Variants in MTMR7 observed in about 807,000 individuals in gnomAD.
MTMR7 encodes myotubularin related protein 7.
A neutral mutation model predicts 81.2 loss-of-function variants in MTMR7; 76 were observed. That is an observed-to-expected ratio of 0.94 (90% CI 0.78 to 1.13). The LOEUF is 1.13. Ranked by LOEUF, MTMR7 falls within the 50% of genes most tolerant of loss-of-function variation. The pLI is 0.00. For synonymous variants in MTMR7, 372 were observed against 289.8 expected (o/e 1.28, Z -2.88); for missense variants, 1,044 against 820.0 (o/e 1.27, Z -3.34).
intron 11 of MTMR7, 49 bp from the exon 12 acceptor site, chr8:17,304,568 C>T (rs201061683): frequency 1.9e-6 from 3 of 1,576,362 alleles, no homozygotes; most frequent in Non-Finnish European, 2.6e-6. Context: ...GGTGCTTACA[C>T]ACAGTAGATA....
rs1428620900 is a variant in MTMR7 at position 17,297,145 on chromosome 8, T to G, written c.*2717A>C. On this transcript the variant is annotated 3_prime_UTR_variant, in exon 14 of 14. Coordinates refer to ENST00000180173, the MANE Select transcript of MTMR7 (RefSeq NM_004686.5). ...ATGCATGTGAAAGTTTGTATTCTGA[T>G]TTTACAAGATGAGATAGAAATCAGA... is the stretch of plus-strand genomic sequence containing the variant. 1 of 152,198 alleles carries G rather than the reference T, an allele frequency of 6.6e-6. No individual in the cohort carries two copies. The highest frequency in any genetic ancestry group is 2.4e-5 in the African/African-American group (1 of 41,456). The allele number at this position is 152,198 out of a possible 1,614,324, so 9.4% of individuals were successfully genotyped here. A position where few individuals can be genotyped will look rare whatever the true frequency, so the allele number is the denominator to read the frequency against.
intron 5 of MTMR7, 96 bp downstream of exon 5, chr8:17,348,857 C>T (rs1051573882): frequency 7.5e-7 from 1 of 1,337,208 alleles, no homozygotes; most frequent in African/African-American, 1.4e-5. Context: ...AGAATTCAAA[C>T]ACACACACAC....
chr8:17,348,912 G>A lies in MTMR7; in HGVS notation c.597+41C>T, dbSNP rs1586230123. On this transcript the variant is annotated intron_variant, in intron 5 of 13. Coordinates refer to ENST00000180173, the MANE Select transcript of MTMR7 (RefSeq NM_004686.5). Reference sequence around the variant, plus strand: ...GAAAATGCCTGCTTATGATAAACTAGAAAAGCAAAGTGTAAAACAAAAACA... The same window carrying A: ...GAAAATGCCTGCTTATGATAAACTAAAAAAGCAAAGTGTAAAACAAAAACA... 4.3e-6 allele frequency: 7 copies of A among 1,611,776 alleles called. No homozygotes were observed. In the East Asian group the frequency reaches 1.3e-4, roughly 31 times the overall value.
intron 3 of MTMR7, among the ~76,000 whole-genome samples, chr8:17,363,731 G>A (rs1563359046): frequency 1.3e-5 from 2 of 152,044 alleles, no homozygotes; most frequent in Admixed American, 6.6e-5. Context: ...CTTACCCACA[G>A]GCAAGCCCAG....
intron 1 of MTMR7, among the ~76,000 whole-genome samples, chr8:17,388,930 C>T (rs189884825): frequency 6.6e-6 from 1 of 152,328 alleles, no homozygotes; most frequent in Admixed American, 6.5e-5. Flanking sequence ...TTCTCTTTCT[C>T]CTCTTACAGT....
intron 1 of MTMR7, among the ~76,000 whole-genome samples, chr8:17,398,590 C>T (rs918993788): frequency 2.0e-5 from 3 of 152,088 alleles, no homozygotes; most frequent in Non-Finnish European, 2.9e-5. Context: ...CTAAGAGTTA[C>T]TGGCCTTAAA....
In MTMR7 at chr8:17,331,300, A is replaced by G. The variant is rs1818987799; in HGVS notation, c.733-18T>C. ...GCATTAAGCTGCAGTGGTCAGCAAA[A>G]CAGAACAGTCATCAATTACATTGAT... On this transcript the variant is annotated intron_variant, in intron 6 of 13. Coordinates refer to ENST00000180173, the MANE Select transcript of MTMR7 (RefSeq NM_004686.5). 1 of 1,571,924 alleles carries G rather than the reference A, an allele frequency of 6.4e-7. No homozygotes were observed. Among genetic ancestry groups the G allele is most frequent in the African/African-American group, 1.4e-5 (1 of 72,852 alleles).
intron 7 of MTMR7, among the ~76,000 whole-genome samples, chr8:17,314,980 G>C (rs1817985938): frequency 6.6e-6 from 1 of 152,202 alleles, no homozygotes; most frequent in African/African-American, 2.4e-5. Flanking sequence ...TGGAAGGCCA[G>C]TGAAAAATAC....
Position 17,304,416 on chromosome 8 carries a change from G to C in MTMR7, c.1456C>G (p.Leu486Val). 6.2e-7 allele frequency: 1 copy of C among 1,614,028 alleles called. No individual in the cohort carries two copies. The highest frequency in any genetic ancestry group is 8.5e-7 in the Non-Finnish European group (1 of 1,179,928). Residue 486 changes from leucine (L) to valine (V), a missense_variant, in exon 12 of 14, where the codon CTT becomes GTT. Physicochemically the swap from Leu to Val is conservative, Grantham distance 32 (BLOSUM62 1). Coordinates refer to ENST00000180173, the MANE Select transcript of MTMR7 (RefSeq NM_004686.5). ...TTACATGGTGTTGTAGGGAGATGAA[G>C]GGTTCCCTGAGTCTGGCTGTGATCA... ...RADHSQTQGT[L>V]HLPTTPCNFM...
intron 3 of MTMR7, among the ~76,000 whole-genome samples, 175 bp from the exon 4 acceptor site, chr8:17,361,449 C>T (rs571982204): frequency 6.6e-6 from 1 of 152,280 alleles, no homozygotes; most frequent in South Asian, 2.1e-4. Context: ...CTTCCTCCCA[C>T]CAATGACAAG....
At chr8:17,357,508 G>A (rs1819929806) in intron 4 of MTMR7, among the ~76,000 whole-genome samples, 1 of 152,020 alleles carries the variant, frequency 6.6e-6, no homozygotes, top group Non-Finnish European at 1.5e-5. Flanking sequence ...AATGCCCTCA[G>A]GTTGTAGGCA....
chr8:17,366,302 G>A (rs1820222716), intron 3 of MTMR7, among the ~76,000 whole-genome samples: 1 of 152,094 alleles, frequency 6.6e-6, no homozygotes, highest in African/African-American at 2.4e-5. Context: ...TCAAGTTAAA[G>A]GTTATAAAAA....
At chr8:17,392,153 A>G (rs1042038900) in intron 1 of MTMR7, among the ~76,000 whole-genome samples, 1 of 152,170 alleles carries the variant, frequency 6.6e-6, no homozygotes, top group Non-Finnish European at 1.5e-5. Flanking sequence ...TCCTGTTCAG[A>G]ATGGGAAAAA....
At chr8:17,324,433 A>G (rs1027935172) in intron 7 of MTMR7, among the ~76,000 whole-genome samples, 1 of 152,220 alleles carries the variant, frequency 6.6e-6, no homozygotes, top group Non-Finnish European at 1.5e-5. Context: ...ATGGTTACAT[A>G]GCCAGTAAAT....
At chr8:17,331,058 T>A (rs2150529488) in intron 7 of MTMR7, 92 bp downstream of exon 7, 1 of 1,464,122 alleles carries the variant, frequency 6.8e-7, no homozygotes, top group East Asian at 2.4e-5. Flanking sequence ...CACACCTATG[T>A]AAAAACATTT....
At chr8:17,395,180 T>C (rs1306432051) in intron 1 of MTMR7, among the ~76,000 whole-genome samples, 1 of 152,196 alleles carries the variant, frequency 6.6e-6, no homozygotes, top group Non-Finnish European at 1.5e-5. Context: ...TGTCCTTTTT[T>C]TGTCTGGCTT....
chr8:17,303,604 T>TAC (rs1563313996), intron 12 of MTMR7, among the ~76,000 whole-genome samples: 1 of 116,598 alleles, frequency 8.6e-6, no homozygotes, highest in Non-Finnish European at 1.7e-5. Context: ...TCCCCATACA[T>TAC]ACAATCTTTT....
intron 3 of MTMR7, among the ~76,000 whole-genome samples, chr8:17,369,613 G>A (rs1820343589): frequency 6.7e-6 from 1 of 149,370 alleles, no homozygotes; most frequent in Non-Finnish European, 1.5e-5. Context: ...AAGAAACTTA[G>A]AGTATAGTAG....
At chr8:17,357,216 ATC>A (rs757272354) in intron 4 of MTMR7, among the ~76,000 whole-genome samples, 2 of 152,218 alleles carry the variant, frequency 1.3e-5, no homozygotes, top group South Asian at 2.1e-4. Flanking sequence ...CAATTACTTA[ATC>A]TCTCTGTCAT....
Sources: allele counts gnomAD v4.1 joint callset (sites outside exome capture counted in the v4.1 genomes callset), GRCh38; gene constraint gnomAD v4.1.1; transcripts MANE v1.5; gene names NCBI Gene and HGNC (gene_info 2026-07-23, HGNC 2026-07-21).